ARID5B: variants seen among roughly 807,000 people sequenced by gnomAD.
ARID5B encodes AT-rich interactive domain-containing protein 5B.
Under a neutral mutation model 97.2 loss-of-function variants are expected in ARID5B, and 13 were observed. The ratio of observed to expected loss-of-function variants is 0.13; its 90% CI spans 0.09 to 0.21. ARID5B has a LOEUF of 0.21. Among genes scored for constraint, ARID5B ranks in the 10% least tolerant of loss-of-function variants. ARID5B has a pLI of 1.00. For synonymous variants in ARID5B, 556 were observed against 570.3 expected (o/e 0.97, Z 0.36); for missense variants, 1,210 against 1,465.3 (o/e 0.83, Z 2.84).
intron 3 of ARID5B, among the ~76,000 whole-genome samples, chr10:61,974,099 A>T (rs1838667673): frequency 6.6e-6 from 1 of 152,360 alleles, no homozygotes; most frequent in African/African-American, 2.4e-5. Context: ...GGCTAAATTT[A>T]GCCTCTGGAG....
At chr10:61,904,737 A>C (rs1843679427) in intron 2 of ARID5B, among the ~76,000 whole-genome samples, 1 of 152,254 alleles carries the variant, frequency 6.6e-6, no homozygotes, top group Non-Finnish European at 1.5e-5. Context: ...GGCTGATGTC[A>C]TTGTGAATTA....
At chr10:61,943,477 C>G (rs912868233) in intron 3 of ARID5B, among the ~76,000 whole-genome samples, 1 of 149,030 alleles carries the variant, frequency 6.7e-6, no homozygotes, top group African/African-American at 2.5e-5. Context: ...GAGGCCCCCC[C>G]CCTTTTTTTC....
chr10:61,908,526 G>C (rs1002708102), intron 2 of ARID5B, among the ~76,000 whole-genome samples: 1 of 151,890 alleles, frequency 6.6e-6, no homozygotes, highest in African/African-American at 2.4e-5. Flanking sequence ...GAATGGCCTC[G>C]GCCAGGCATA....
chr10:62,044,520 A>T (rs2132922502), intron 4 of ARID5B, among the ~76,000 whole-genome samples: 1 of 152,102 alleles, frequency 6.6e-6, no homozygotes. Context: ...AGCTAGGACT[A>T]CAGGCACATG....
intron 3 of ARID5B, among the ~76,000 whole-genome samples, chr10:61,980,145 T>C (rs148376265): frequency 1.7e-4 from 26 of 152,242 alleles, no homozygotes; most frequent in African/African-American, 5.8e-4. Flanking sequence ...TATATTTATC[T>C]GTGTACCAAT....
intron 3 of ARID5B, among the ~76,000 whole-genome samples, chr10:61,985,408 G>GTAT (rs1325021021): frequency 1.3e-5 from 2 of 151,838 alleles, no homozygotes; most frequent in South Asian, 2.1e-4. Context: ...TCCACAGAAG[G>GTAT]TATTCCCTTG....
intron 8 of ARID5B, among the ~76,000 whole-genome samples, chr10:62,074,600 A>G (rs1013320302): frequency 2.6e-5 from 4 of 152,208 alleles, no homozygotes; most frequent in African/African-American, 9.7e-5. Flanking sequence ...TAATCATACC[A>G]TGGATAAAGG....
rs148375284 is a variant in ARID5B, at chr10:61,906,546, A to G, written c.276+4133A>G. On this transcript the variant is annotated intron_variant, in intron 2 of 9. Transcript: ENST00000279873. ...CCAGCCATCGCTGGGATTTTATAAG[A>G]AGGTTTGCTGGTCACCTCCAACTGT... Among the ~76,000 whole-genome samples, 538 of 152,316 alleles carry G rather than the reference A, an allele frequency of 3.5e-3. 3 individuals carry two copies. Among genetic ancestry groups the G allele is most frequent in the African/African-American group, 0.012 (510 of 41,566 alleles).
At chr10:61,948,513 C>T (rs969602572) in intron 3 of ARID5B, among the ~76,000 whole-genome samples, 5 of 150,168 alleles carry the variant, frequency 3.3e-5, no homozygotes, top group African/African-American at 7.4e-5. Flanking sequence ...ACTACAGGTG[C>T]GCGCCACCAC....
chr10:62,051,915 C>CTT (rs1337965358), intron 5 of ARID5B, among the ~76,000 whole-genome samples: 2 of 151,532 alleles, frequency 1.3e-5, no homozygotes, highest in Non-Finnish European at 2.9e-5. Context: ...TTGGAAGAGT[C>CTT]TGATGTAGAA....
At chr10:62,011,517 G>C (rs1839217342) in intron 4 of ARID5B, among the ~76,000 whole-genome samples, 1 of 152,140 alleles carries the variant, frequency 6.6e-6, no homozygotes, top group Non-Finnish European at 1.5e-5. Context: ...CAGACCCTTG[G>C]TGCCAGTGTC....
At chr10:61,968,977 T>A (rs1838586350) in intron 3 of ARID5B, among the ~76,000 whole-genome samples, 1 of 152,218 alleles carries the variant, frequency 6.6e-6, no homozygotes, top group African/African-American at 2.4e-5. Context: ...TATTTAGCAT[T>A]TTCTGTAAAA....
intron 4 of ARID5B, among the ~76,000 whole-genome samples, chr10:62,021,794 G>A (rs1839359397): frequency 6.6e-6 from 1 of 152,210 alleles, no homozygotes; most frequent in African/African-American, 2.4e-5. Flanking sequence ...AACCACTGTG[G>A]TGTTAATAGC....
intron 3 of ARID5B, among the ~76,000 whole-genome samples, chr10:61,961,611 A>G (rs1838471475): frequency 6.6e-6 from 1 of 152,216 alleles, no homozygotes; most frequent in Non-Finnish European, 1.5e-5. Context: ...GCACCAGAGG[A>G]TGAAATGCTG....
chr10:62,055,584 G>T (rs1839845409), intron 5 of ARID5B, among the ~76,000 whole-genome samples: 1 of 152,168 alleles, frequency 6.6e-6, no homozygotes, highest in Admixed American at 6.5e-5. Context: ...GAAAAATGAT[G>T]ACAACATAAA....
intron 3 of ARID5B, among the ~76,000 whole-genome samples, chr10:61,980,738 C>A (rs1329121612): frequency 1.3e-5 from 2 of 152,198 alleles, no homozygotes; most frequent in Non-Finnish European, 2.9e-5. Context: ...AGTGAAGGAA[C>A]TAGAATGGCA....
intron 2 of ARID5B, among the ~76,000 whole-genome samples, chr10:61,936,533 G>T (rs775689654): frequency 6.6e-6 from 1 of 152,162 alleles, no homozygotes; most frequent in Non-Finnish European, 1.5e-5. Flanking sequence ...CAGGAGAATC[G>T]CTTGAACCTG....
chr10:62,072,495 G>A (rs1183165612), intron 8 of ARID5B, among the ~76,000 whole-genome samples: 1 of 152,202 alleles, frequency 6.6e-6, no homozygotes, highest in Non-Finnish European at 1.5e-5. Context: ...GGGTGGATTT[G>A]GAGTTGAAAG....
chr10:62,080,073 G>A (rs1840191802), intron 8 of ARID5B, among the ~76,000 whole-genome samples: 1 of 152,220 alleles, frequency 6.6e-6, no homozygotes, highest in East Asian at 1.9e-4. Flanking sequence ...GCACTCTGCC[G>A]CCATTTTGTT....
Sources: allele counts gnomAD v4.1 joint callset (sites outside exome capture counted in the v4.1 genomes callset), GRCh38; gene constraint gnomAD v4.1.1; transcripts MANE v1.5; gene names NCBI Gene and HGNC (gene_info 2026-07-23, HGNC 2026-07-21).